ZSCAN12: variants seen among roughly 807,000 people sequenced by gnomAD.
The protein encoded by ZSCAN12 is zinc finger and SCAN domain-containing protein 12.
ZSCAN12 carries 18 observed loss-of-function variants against 23.4 expected under a neutral mutation model. That is an observed-to-expected ratio of 0.77 (90% CI 0.53 to 1.14). The LOEUF (loss-of-function observed/expected upper bound fraction) is 1.14. ZSCAN12 is among the 50% of genes most tolerant of loss of function. The pLI is 0.00. For missense variants in ZSCAN12, 650 were observed against 735.0 expected, an observed-to-expected ratio of 0.88 and a Z score of 1.34; for synonymous variants, 186 against 253.4, an observed-to-expected ratio of 0.73 and a Z score of 2.53.
At position 28,391,316 on chromosome 6, in the gene ZSCAN12, G is replaced by A; in HGVS notation, c.974C>T (p.Thr325Ile). The change falls in exon 4 of 4, where the codon ACT becomes ATT. Residue 325 changes from threonine (T) to isoleucine (I), a missense_variant. Transcript: ENST00000684592. The surrounding 1 kb of genome is among the most constrained non-coding windows in gnomAD (Gnocchi z 4.1). The part of the protein sequence containing the change: ...TVLIRHKIIH[T>I]GEKPYKCNEC... ...ATTACACTTATACGGTTTCTCTCCA[G>A]TGTGTATTATTTTGTGTCGAATAAG... The A allele has an allele frequency of 6.4e-7, 1 of 1,552,074 alleles. No individual in the cohort carries two copies.
chr6:28,398,198 G>C lies in ZSCAN12; in HGVS notation c.208C>G (p.Leu70Val). ...TCTGGCCTCAGCCACTGATGGCAAA[G>C]TTCTCGGAGTCGGCTCAAAGCCTCA... ...PREALSRLRE[L>V]CHQWLRPETH... The change falls in exon 2 of 4, where the codon CTT (leucine) becomes GTT (valine). Residue 70 changes from leucine (L) to valine (V), a missense_variant. Leu to Val is a conservative substitution (Grantham distance 32, BLOSUM62 1). Coordinates refer to ENST00000684592, the MANE Select transcript of ZSCAN12 (RefSeq NM_001163391.2). 1 of 1,614,022 alleles carries C rather than the reference G, an allele frequency of 6.2e-7. No individual in the cohort carries two copies. Among genetic ancestry groups the C allele is most frequent in the South Asian group, 1.1e-5 (1 of 91,068 alleles).
chr6:28,390,356 C>T lies in ZSCAN12; in HGVS notation c.*98G>A, dbSNP rs1760751721. ...ATTCTTATTAAATATCTGAGGTTTC[C>T]TTATAACAATGGTGACTGAAGTTTT... On this transcript the variant is annotated 3_prime_UTR_variant, in exon 4 of 4. Coordinates refer to ENST00000684592, the MANE Select transcript of ZSCAN12 (RefSeq NM_001163391.2). The T allele has an allele frequency of 1.0e-6, 1 of 983,958 alleles. No individual in the cohort carries two copies. Among genetic ancestry groups the T allele is most frequent in the Non-Finnish European group, 1.5e-6 (1 of 688,068 alleles). 61.0% of individuals were successfully genotyped at this position (983,958 alleles called of 1,614,324 possible).
At chr6:28,379,804 T>G (rs890934712), downstream of ZSCAN12, 1 of 152,168 alleles carries the variant, frequency 6.6e-6, no homozygotes, top group East Asian at 1.9e-4. Flanking sequence ...ACAAGCCTAC[T>G]CAGACCAAAA....
chr6:28,398,423 T>C lies in ZSCAN12; in HGVS notation c.-18A>G. 6.6e-7 allele frequency: 1 copy of C among 1,515,516 alleles called. No individual in the cohort carries two copies. Among genetic ancestry groups the C allele is most frequent in the Non-Finnish European group, 8.9e-7 (1 of 1,127,278 alleles). The allele number at this position is 1,515,516 out of a possible 1,614,324, so 93.9% of individuals were successfully genotyped here. On this transcript the variant is annotated 5_prime_UTR_variant, in exon 2 of 4. Transcript: ENST00000684592. ...GATGCCATTTTAGCTGTGCTAGAAC[T>C]ACCGGTGTTTCAAGTAAGATCTCAC... is the stretch of plus-strand genomic sequence containing the variant.
At chr6:28,399,276 A>T (rs1761293284) in intron 1 of ZSCAN12, among the ~76,000 whole-genome samples, 1 of 152,180 alleles carries the variant, frequency 6.6e-6, no homozygotes, top group African/African-American at 2.4e-5. Context: ...TTACTCTTTA[A>T]GGCTTCCCTC....
chr6:28,398,846 TG>T (rs937569043), intron 1 of ZSCAN12, among the ~76,000 whole-genome samples: 3 of 145,090 alleles, frequency 2.1e-5, no homozygotes, highest in African/African-American at 7.8e-5. Context: ...GGCAGGGGAA[TG>T]GCGTGAACCC....
Position 28,389,851 on chromosome 6 carries a change from A to C in ZSCAN12, c.*603T>G, listed in dbSNP as rs980409184. On this transcript the variant is annotated 3_prime_UTR_variant, in exon 4 of 4. Coordinates refer to ENST00000684592, the MANE Select transcript of ZSCAN12 (RefSeq NM_001163391.2). ...TGCTCTGTAAATGTCCAAGTGCTAT[A>C]AAGTATTAGATGAAATTATTCACAC... 6.6e-6 allele frequency among the ~76,000 whole-genome samples: 1 copy of C among 152,212 alleles called. No homozygotes were observed. Among genetic ancestry groups the C allele is most frequent in the African/African-American group, 2.4e-5 (1 of 41,454 alleles).
At chr6:28,397,955 A>C in intron 2 of ZSCAN12, 49 bp downstream of exon 2, 1 of 1,501,082 alleles carries the variant, frequency 6.7e-7, no homozygotes, top group Non-Finnish European at 8.9e-7. Flanking sequence ...CTGGCCTAGA[A>C]ATCCACAATT....
chr6:28,396,066 C>T (rs1021356404), intron 2 of ZSCAN12, among the ~76,000 whole-genome samples: 2 of 146,572 alleles, frequency 1.4e-5, no homozygotes, highest in Admixed American at 6.9e-5. Flanking sequence ...GTCGCCCAGG[C>T]TGGAGTGCAG....
rs926154409 is a variant in ZSCAN12, at chr6:28,391,627, A to C, written c.663T>G (p.Ala221=). The change falls in exon 4 of 4, where the codon GCT becomes GCG. Residue 221 remains alanine (A), a synonymous_variant. Coordinates refer to ENST00000684592, the MANE Select transcript of ZSCAN12 (RefSeq NM_001163391.2). This position sits in a 1 kb window ranked among gnomAD's most constrained non-coding sequence, Gnocchi z 4.1. ...SKFENDMSKS[A]RCGETREPEE... Reference sequence around the variant, plus strand: ...CAGGTTCACGAGTTTCTCCACACCTAGCAGACTTGGACATATCATTTTCAA... The same window carrying C: ...CAGGTTCACGAGTTTCTCCACACCTCGCAGACTTGGACATATCATTTTCAA... 7.1e-6 allele frequency: 11 copies of C among 1,552,142 alleles called. No individual in the cohort carries two copies. In the African/African-American group the frequency reaches 1.4e-4, roughly 19 times the overall value.
Position 28,387,804 on chromosome 6 carries a change from G to T in ZSCAN12, c.*2650C>A, listed in dbSNP as rs1049062438. The stretch of plus-strand genomic sequence containing the variant: ...CTCCTTGGACTCTTGCTGGCGCCCA[G>T]ATGTCTGTGGTCATAGGTCACCTCT... On this transcript the variant is annotated 3_prime_UTR_variant, in exon 4 of 4. Coordinates refer to ENST00000684592, the MANE Select transcript of ZSCAN12 (RefSeq NM_001163391.2). Among the ~76,000 whole-genome samples, 2 of 152,196 alleles carry T rather than the reference G, an allele frequency of 1.3e-5. No individual in the cohort carries two copies. The highest frequency in any genetic ancestry group is 1.3e-4 in the Admixed American group (2 of 15,286).
Position 28,385,161 on chromosome 6 carries a change from G to T in ZSCAN12, c.*5293C>A, listed in dbSNP as rs937958745. ...GGCATTAAAGATAGATCCATAATGG[G>T]TTATCAACACTTGGGGACAAATCTT... On this transcript the variant is annotated 3_prime_UTR_variant, in exon 4 of 4. Coordinates refer to ENST00000684592, the MANE Select transcript of ZSCAN12 (RefSeq NM_001163391.2). Among the ~76,000 whole-genome samples the T allele has an allele frequency of 1.3e-5, 2 of 152,110 alleles. No homozygotes were observed. The highest frequency in any genetic ancestry group is 2.9e-5 in the Non-Finnish European group (2 of 68,022).
chr6:28,391,092 T>C lies in ZSCAN12; in HGVS notation c.1198A>G (p.Ile400Val). ...QCNKSFSRRSILTQHQGVHTG... is the reference protein window; with the variant it reads ...QCNKSFSRRSVLTQHQGVHTG... ...TGAACTCCTTGATGCTGAGTAAGTA[T>C]GGAACGCCGACTAAAACTTTTATTA... The change falls in exon 4 of 4, where the codon ATA becomes GTA. Residue 400 changes from isoleucine to valine, a missense_variant. Ile to Val is a conservative substitution (Grantham distance 29). Coordinates refer to ENST00000684592, the MANE Select transcript of ZSCAN12 (RefSeq NM_001163391.2). This position sits in a 1 kb window ranked among gnomAD's most constrained non-coding sequence, Gnocchi z 4.1. 6.4e-7 allele frequency: 1 copy of C among 1,552,350 alleles called. No homozygotes were observed. Among genetic ancestry groups the C allele is most frequent in the Non-Finnish European group, 8.7e-7 (1 of 1,147,182 alleles).
Position 28,385,943 on chromosome 6 carries a change from T to A in ZSCAN12, c.*4511A>T, listed in dbSNP as rs1410004033. ...TCTACAACCAACCTCATTATACAGT[T>A]GAGATGTCTCAATTTGGAGCCCTGC... On this transcript the variant is annotated 3_prime_UTR_variant, in exon 4 of 4. Coordinates refer to ENST00000684592, the MANE Select transcript of ZSCAN12 (RefSeq NM_001163391.2). 6.6e-6 allele frequency among the ~76,000 whole-genome samples: 1 copy of A among 152,238 alleles called. No individual in the cohort carries two copies. Among genetic ancestry groups the A allele is most frequent in the African/African-American group, 2.4e-5 (1 of 41,458 alleles).
At position 28,390,579 on chromosome 6, in the gene ZSCAN12, G is replaced by A. The variant is rs1207158446; in HGVS notation, c.1711C>T (p.His571Tyr). ...CCACGTCTATTATGGATTCTCTGGT[G>A]TTTACTAAGATCTGACCTCTGTCTG... is the stretch of plus-strand genomic sequence containing the variant. The part of the protein sequence containing the change: ...AFRQRSDLSK[H>Y]QRIHNRRGTY... The change falls in exon 4 of 4, where the codon CAC becomes TAC. Residue 571 changes from histidine to tyrosine, a missense_variant. By Grantham distance (83) the His-to-Tyr change is moderately conservative. Coordinates refer to ENST00000684592, the MANE Select transcript of ZSCAN12 (RefSeq NM_001163391.2). 3.1e-6 allele frequency: 5 copies of A among 1,597,146 alleles called. No homozygotes were observed. The highest frequency in any genetic ancestry group is 4.3e-6 in the Non-Finnish European group (5 of 1,171,568).
rs1760744442 is a variant in ZSCAN12 at position 28,390,207 on chromosome 6, T to C, written c.*247A>G. Among the ~76,000 whole-genome samples, 1 of 152,208 alleles carries C rather than the reference T, an allele frequency of 6.6e-6. No individual in the cohort carries two copies. The highest frequency in any genetic ancestry group is 1.9e-4 in the East Asian group (1 of 5,196). On this transcript the variant is annotated 3_prime_UTR_variant, in exon 4 of 4. Coordinates refer to ENST00000684592, the MANE Select transcript of ZSCAN12 (RefSeq NM_001163391.2). ...GTGCATCAATTCTACTCTCCTGTAG[T>C]CTTATATGACTAAATATGTGGATCT... is the stretch of plus-strand genomic sequence containing the variant.
At chr6:28,379,562 T>G (rs1760124784) in exon 5 of ZSCAN12, 1 of 152,306 alleles carries the variant, frequency 6.6e-6, no homozygotes, top group African/African-American at 2.4e-5. Flanking sequence ...ATCGTGCCAT[T>G]GCACTCCAGC....
In ZSCAN12 at chr6:28,391,392, TATCTCCAGTATGG is replaced by T. The variant is rs1338175442; in HGVS notation, c.885_897del (p.His296AspfsTer23). On this transcript the variant is annotated frameshift_variant, in exon 4 of 4. Transcript: ENST00000684592. LOFTEE classifies it low-confidence loss of function (END_TRUNC). The surrounding 1 kb of genome is among the most constrained non-coding windows in gnomAD (Gnocchi z 4.1). Reference sequence around the variant, plus strand: ...CCACATTCTTCGCATTTGTAGGGTCTATCTCCAGTATGGATCCTCTGATGTTCTATGAGGTGTG... The same window carrying T: ...CCACATTCTTCGCATTTGTAGGGTCTATCCTCTGATGTTCTATGAGGTGTG... 1.3e-6 allele frequency: 2 copies of T among 1,551,730 alleles called. No individual in the cohort carries two copies. Among genetic ancestry groups the T allele is most frequent in the South Asian group, 2.4e-5 (2 of 84,040 alleles).
intron 1 of ZSCAN12, among the ~76,000 whole-genome samples, chr6:28,399,398 T>C (rs896181687): frequency 1.3e-5 from 2 of 152,222 alleles, no homozygotes; most frequent in African/African-American, 2.4e-5. Context: ...CGGTAAGCGC[T>C]GAACCCAAGG....
Sources: gnomAD v4.1 joint callset for allele counts (sites outside exome capture counted in the v4.1 genomes callset) on GRCh38, gnomAD v4.1.1 for gene constraint, Gnocchi (gnomAD v3.1) non-coding constraint, MANE v1.5 for transcripts, NCBI Gene and HGNC (gene_info 2026-07-23, HGNC 2026-07-21) for gene names.